THNSL2: variants seen among roughly 807,000 people sequenced by gnomAD.
THNSL2 encodes the protein threonine synthase like 2.
Under a neutral mutation model 40.0 loss-of-function variants are expected in THNSL2, and 34 were observed. The observed-to-expected ratio is 0.85, with a 90% confidence interval of 0.65 to 1.13. The LOEUF (loss-of-function observed/expected upper bound fraction) is 1.13, where lower values mean the gene tolerates loss of function less well. Ranked by LOEUF, THNSL2 falls within the 50% of genes most tolerant of loss-of-function variation. The probability of loss-of-function intolerance (pLI) is 0.00; values close to 1 mark genes in which losing one functional copy is unlikely to be tolerated. For missense variants in THNSL2, 537 were observed against 608.8 expected (o/e 0.88, Z 1.24); for synonymous variants, 241 against 247.5 (o/e 0.97, Z 0.25).
At chr2:88,183,134 G>T in intron 7 of THNSL2, 61 bp downstream of exon 7, 8 of 1,574,150 alleles carry the variant, frequency 5.1e-6, no homozygotes, top group Non-Finnish European at 6.9e-6. Flanking sequence ...GCAGACTTGG[G>T]GTTTGGAAGT....
Position 88,185,991 on chromosome 2 carries a change from C to A in THNSL2, c.1323C>A (p.Ile441=), listed in dbSNP as rs769151866. Residue 441 remains isoleucine, a synonymous_variant, in exon 9 of 9, where the codon ATC becomes ATA. Transcript: ENST00000674334. ...TGACCCCTGAGACTCCCGCGGAGAT[C>A]GTAGCCCTGGAGCACAAGGAGACAC... is the stretch of plus-strand genomic sequence containing the variant. ...AGLTPETPAE[I]VALEHKETRC... The A allele has an allele frequency of 3.7e-6, 6 of 1,612,434 alleles. No individual in the cohort carries two copies. Among genetic ancestry groups the A allele is most frequent in the Non-Finnish European group, 5.1e-6 (6 of 1,179,568 alleles).
intron 5 of THNSL2, among the ~76,000 whole-genome samples, chr2:88,181,090 G>A (rs1573196332): frequency 7.3e-6 from 1 of 136,724 alleles, no homozygotes; most frequent in African/African-American, 2.7e-5. Context: ...TCCCACGCTC[G>A]CTCTCCTCTC....
chr2:88,175,505 GTCC>G, intron 4 of THNSL2, 104 bp downstream of exon 4: 5 of 1,440,682 alleles, frequency 3.5e-6, no homozygotes, highest in Non-Finnish European at 4.7e-6. Flanking sequence ...GTAGCTGACT[GTCC>G]TCCTTTCATC....
intron 5 of THNSL2, among the ~76,000 whole-genome samples, chr2:88,181,951 A>G (rs1372640642): frequency 6.6e-6 from 1 of 152,114 alleles, no homozygotes; most frequent in Admixed American, 6.5e-5. Context: ...TGTATCATAT[A>G]TCAGTACTTT....
At position 88,185,439 on chromosome 2, in the gene THNSL2, G is replaced by A. The variant is rs144146961; in HGVS notation, c.1189G>A (p.Val397Met). Residue 397 changes from valine to methionine, a missense_variant, in exon 8 of 9, where the codon GTG becomes ATG. Transcript: ENST00000674334. ...YLLCPHSAVA[V>M]NYHYQQIDRQ... The stretch of plus-strand genomic sequence containing the variant: ...GCTGTGCCCCCACTCAGCGGTGGCC[G>A]TGAACTACCATTACCAGCAGATAGA... 619 of 1,613,222 alleles carry A rather than the reference G, an allele frequency of 3.8e-4. 8 individuals carry two copies. The East Asian group carries it at 0.011, about 29-fold the overall frequency.
intron 5 of THNSL2, among the ~76,000 whole-genome samples, chr2:88,179,983 G>A (rs1169253409): frequency 6.6e-6 from 1 of 152,222 alleles, no homozygotes; most frequent in Non-Finnish European, 1.5e-5. Flanking sequence ...TTAGTGGTTA[G>A]GAAGCTTCCT....
At chr2:88,176,612 G>A (rs1050638514) in intron 4 of THNSL2, 3 of 152,166 alleles carry the variant, frequency 2.0e-5, no homozygotes, top group African/African-American at 7.2e-5. Flanking sequence ...GGTTATTTTT[G>A]TATAACATCA....
chr2:88,174,855 G>A (rs529017589), intron 3 of THNSL2, 22 bp downstream of exon 3: 22 of 1,611,068 alleles, frequency 1.4e-5, no homozygotes, highest in African/African-American at 4.0e-5. Context: ...GGGCACAAAC[G>A]CAGAATACCT....
At chr2:88,175,492 T>TG in intron 4 of THNSL2, 91 bp downstream of exon 4, 1 of 1,503,368 alleles carries the variant, frequency 6.7e-7, no homozygotes, top group South Asian at 1.2e-5. Context: ...ATTGCACAGT[T>TG]GGGTAGCTGA....
At chr2:88,182,411 G>A (rs556652095) in intron 5 of THNSL2, 4 of 242,904 alleles carry the variant, frequency 1.6e-5, no homozygotes, top group South Asian at 2.3e-4. Flanking sequence ...CGTCTTCTTC[G>A]AAGGAATGCC....
chr2:88,174,084 A>G (rs892252940), intron 2 of THNSL2, among the ~76,000 whole-genome samples: 3 of 152,214 alleles, frequency 2.0e-5, no homozygotes, highest in Admixed American at 6.5e-5. Context: ...AGATTGCCTC[A>G]GACTGATTGA....
intron 8 of THNSL2, 178 bp downstream of exon 8, chr2:88,185,657 T>A (rs778612195): frequency 1.3e-6 from 2 of 1,551,466 alleles, no homozygotes. Context: ...GTGACAGATA[T>A]CCCAGGGACA....
chr2:88,178,722 G>GC, intron 4 of THNSL2, 61 bp from the exon 5 acceptor site: 1 of 1,585,916 alleles, frequency 6.3e-7, no homozygotes, highest in Non-Finnish European at 8.6e-7. Context: ...GCAGGTGAGT[G>GC]CTGACCTCCT....
At chr2:88,182,651 T>A (rs760350334) in intron 5 of THNSL2, 48 bp from the exon 6 acceptor site, 7 of 1,471,888 alleles carry the variant, frequency 4.8e-6, no homozygotes, top group Non-Finnish European at 6.3e-6. Flanking sequence ...TTTTTCTTTT[T>A]GCTTTTATTT....
At position 88,179,027 on chromosome 2, in the gene THNSL2, G is replaced by A. The variant is rs749395611; in HGVS notation, c.802+14G>A. 33 of 1,613,446 alleles carry A rather than the reference G, an allele frequency of 2.0e-5. No individual in the cohort carries two copies. The Middle Eastern group carries it at 6.6e-4, about 32-fold the overall frequency. ...GTAACCTTGCAGGTAAGGAATCCCC[G>A]GGGCACAAATGGGCTTTCCAGAAAA... On this transcript the variant is annotated intron_variant, in intron 5 of 8. Transcript: ENST00000674334.
intron 5 of THNSL2, among the ~76,000 whole-genome samples, chr2:88,180,889 T>C (rs1453301354): frequency 1.3e-5 from 2 of 152,136 alleles, no homozygotes; most frequent in African/African-American, 4.8e-5. Context: ...GCTCCGGACT[T>C]AGGCATATTT....
rs1161771036 is a variant in THNSL2, at chr2:88,174,684, T to G, written c.269T>G (p.Val90Gly). Residue 90 changes from valine (V) to glycine (G), a missense_variant, in exon 3 of 9, where the codon GTC (valine) becomes GGC (glycine). Val to Gly is a moderately radical substitution (Grantham distance 109). Transcript: ENST00000674334. ...AGCAGATTCCGTCACAGAGAAGTGG[T>G]CCATCTGTCCAGGTTGAGGAATGGG... Reference protein sequence around the residue: ...AFSRFRHREVVHLSRLRNGLN... With the variant: ...AFSRFRHREVGHLSRLRNGLN... 5.0e-6 allele frequency: 8 copies of G among 1,614,044 alleles called. No individual in the cohort carries two copies. Among genetic ancestry groups the G allele is most frequent in the Non-Finnish European group, 5.9e-6 (7 of 1,180,036 alleles).
At position 88,185,467 on chromosome 2, in the gene THNSL2, G is replaced by A; in HGVS notation, c.1217G>A (p.Arg406Lys). The A allele has an allele frequency of 6.2e-7, 1 of 1,609,890 alleles. No homozygotes were observed. The highest frequency in any genetic ancestry group is 8.5e-7 in the Non-Finnish European group (1 of 1,178,018). ...AVNYHYQQID[R>K]QQPSTPRCCL... ...AACTACCATTACCAGCAGATAGACA[G>A]GCAGCAGCCCAGGTACAGGCAATGG... The change falls in exon 8 of 9, where the codon AGG becomes AAG. Residue 406 changes from arginine to lysine, a missense_variant. By Grantham distance (26) the Arg-to-Lys change is conservative (BLOSUM62 2). Coordinates refer to ENST00000674334, the MANE Select transcript of THNSL2 (RefSeq NM_018271.5).
At position 88,174,767 on chromosome 2, in the gene THNSL2, T is replaced by A. The variant is rs541938357; in HGVS notation, c.352T>A (p.Ser118Thr). The A allele has an allele frequency of 6.2e-7, 1 of 1,614,220 alleles. No individual in the cohort carries two copies. The highest frequency in any genetic ancestry group is 1.1e-5 in the South Asian group (1 of 91,086). The change falls in exon 3 of 9, where the codon TCC becomes ACC. Residue 118 changes from serine to threonine, a missense_variant. By Grantham distance (58) the Ser-to-Thr change is moderately conservative (BLOSUM62 1). Transcript: ENST00000674334. ...ATATGCATTTAAGGACCTGTCCCTG[T>A]CCTGCACAACACAGTTCCTGCAGTA... ...VTYAFKDLSLSCTTQFLQYFL... is the reference protein window; with the variant it reads ...VTYAFKDLSLTCTTQFLQYFL...
Sources: allele counts gnomAD v4.1 joint callset (sites outside exome capture counted in the v4.1 genomes callset), GRCh38; gene constraint gnomAD v4.1.1; transcripts MANE v1.5; gene names NCBI Gene and HGNC (gene_info 2026-07-23, HGNC 2026-07-21).